BTBD9: variants seen among roughly 807,000 people sequenced by gnomAD.
BTBD9 encodes the protein BTB/POZ domain-containing protein 9.
A neutral mutation model predicts 64.3 loss-of-function variants in BTBD9; 49 were observed. The observed-to-expected ratio is 0.76, with a 90% confidence interval of 0.61 to 0.97. The LOEUF is 0.97. Ranked by LOEUF, BTBD9 falls within the 50% of genes least tolerant of loss-of-function variation. The pLI is 0.00. For synonymous variants in BTBD9, 260 were observed against 274.7 expected, an observed-to-expected ratio of 0.95 and a Z score of 0.53; for missense variants, 598 against 762.1, an observed-to-expected ratio of 0.78 and a Z score of 2.53.
chr6:38,234,159 G>A (rs1763701113), intron 9 of BTBD9, among the ~76,000 whole-genome samples: 1 of 152,212 alleles, frequency 6.6e-6, no homozygotes, highest in Admixed American at 6.5e-5. Context: ...CTGACCTTGT[G>A]CTTCAGCACC....
At chr6:38,440,665 A>G (rs1224061969) in intron 6 of BTBD9, among the ~76,000 whole-genome samples, 1 of 152,222 alleles carries the variant, frequency 6.6e-6, no homozygotes, top group Non-Finnish European at 1.5e-5. Flanking sequence ...TGTTTAGTGT[A>G]TATTATAGTA....
At chr6:38,264,739 G>A (rs1252662057) in intron 8 of BTBD9, among the ~76,000 whole-genome samples, 4 of 152,208 alleles carry the variant, frequency 2.6e-5, no homozygotes, top group African/African-American at 9.7e-5. Context: ...GCTGCTGGAG[G>A]ACGCTGAGTC....
chr6:38,454,920 A>G (rs1367611643), intron 6 of BTBD9, among the ~76,000 whole-genome samples: 1 of 152,194 alleles, frequency 6.6e-6, no homozygotes, highest in Non-Finnish European at 1.5e-5. Context: ...ATCAGCTTAA[A>G]GAAAGTCATT....
intron 6 of BTBD9, among the ~76,000 whole-genome samples, chr6:38,371,121 CA>C (rs1243798544): frequency 1.3e-5 from 2 of 151,988 alleles, no homozygotes; most frequent in Admixed American, 6.6e-5. Context: ...GAGTGGTCAG[CA>C]AAAAAACAAG....
At chr6:38,410,411 T>A (rs914178533) in intron 6 of BTBD9, among the ~76,000 whole-genome samples, 1 of 151,866 alleles carries the variant, frequency 6.6e-6, no homozygotes, top group East Asian at 1.9e-4. Context: ...AGGCTGGGGC[T>A]GCAGTGAGCC....
At chr6:38,366,165 T>C (rs1221933734) in intron 6 of BTBD9, among the ~76,000 whole-genome samples, 1 of 152,360 alleles carries the variant, frequency 6.6e-6, no homozygotes, top group East Asian at 1.9e-4. Context: ...TTTATCAAAA[T>C]GTAAAGAACT....
At position 38,463,993 on chromosome 6, in the gene BTBD9, C is replaced by T. The variant is rs536948567; in HGVS notation, c.1154+113607G>A. On this transcript the variant is annotated intron_variant, in intron 6 of 10. Transcript: ENST00000481247. Reference sequence around the variant, plus strand: ...GTTGCAGTGAGCTGAGATCCCACCACTGCACTCCAGCCTGGGGAACAAAGT... The same window carrying T: ...GTTGCAGTGAGCTGAGATCCCACCATTGCACTCCAGCCTGGGGAACAAAGT... 3.3e-5 allele frequency among the ~76,000 whole-genome samples: 5 copies of T among 152,248 alleles called. No homozygotes were observed. In the South Asian group the frequency reaches 1.0e-3, roughly 32 times the overall value.
At chr6:38,523,378 T>C (rs1773352274) in intron 6 of BTBD9, among the ~76,000 whole-genome samples, 2 of 152,134 alleles carry the variant, frequency 1.3e-5, no homozygotes, top group Admixed American at 6.5e-5. Flanking sequence ...AATTAAAATA[T>C]TGCTTGTACT....
At position 38,184,140 on chromosome 6, in the gene BTBD9, C is replaced by G. The variant is rs752203484; in HGVS notation, c.1641+8379G>C. ...TGTATGAGATGCTGTGTTTGCTTAC[C>G]CATCCTCTGTGGATGGACGCTCGTG... On this transcript the variant is annotated intron_variant, in intron 10 of 10. Coordinates refer to ENST00000481247, the MANE Select transcript of BTBD9 (RefSeq NM_001099272.2). This position sits in a 1 kb window ranked among gnomAD's most constrained non-coding sequence, Gnocchi z 4.4. Among the ~76,000 whole-genome samples the G allele has an allele frequency of 2.6e-5, 4 of 152,186 alleles. No homozygotes were observed. Among genetic ancestry groups the G allele is most frequent in the African/African-American group, 9.7e-5 (4 of 41,434 alleles).
intron 6 of BTBD9, among the ~76,000 whole-genome samples, chr6:38,534,607 T>A (rs2748164): frequency 0.57 from 86,442 of 151,784 alleles, 26,073 homozygotes; most frequent in African/African-American, 0.78. Context: ...CCTGATGAAC[T>A]TTGATACAAA....
chr6:38,307,890 G>C (rs1327946413), intron 7 of BTBD9, among the ~76,000 whole-genome samples: 1 of 152,154 alleles, frequency 6.6e-6, no homozygotes, highest in Non-Finnish European at 1.5e-5. Context: ...AGAGGAAGTG[G>C]CCTGCTTTCT....
At chr6:38,199,479 T>C (rs966701309) in intron 9 of BTBD9, among the ~76,000 whole-genome samples, 2 of 152,122 alleles carry the variant, frequency 1.3e-5, no homozygotes, top group African/African-American at 2.4e-5. Flanking sequence ...GGATATAGCA[T>C]ACAACAAAGT....
At chr6:38,591,566 A>G (rs1473845092) in intron 4 of BTBD9, among the ~76,000 whole-genome samples, 1 of 152,228 alleles carries the variant, frequency 6.6e-6, no homozygotes, top group Non-Finnish European at 1.5e-5. Flanking sequence ...GTGGTTAATT[A>G]CACAACTTCT....
At chr6:38,548,182 T>G (rs1254994665) in intron 6 of BTBD9, among the ~76,000 whole-genome samples, 2 of 152,208 alleles carry the variant, frequency 1.3e-5, no homozygotes, top group African/African-American at 4.8e-5. Context: ...TCAAAAACAT[T>G]TATATGTTAT....
chr6:38,400,590 A>G (rs1266983968), intron 6 of BTBD9, among the ~76,000 whole-genome samples: 1 of 152,042 alleles, frequency 6.6e-6, no homozygotes, highest in Non-Finnish European at 1.5e-5. Context: ...CTCTCTGACC[A>G]ATCCTTCTCA....
At chr6:38,592,518 A>G in intron 4 of BTBD9, 58 bp downstream of exon 4, 9 of 1,584,332 alleles carry the variant, frequency 5.7e-6, no homozygotes, top group Non-Finnish European at 3.4e-6. Flanking sequence ...TTGCGGTTTT[A>G]ATGGCATGAG....
intron 6 of BTBD9, among the ~76,000 whole-genome samples, chr6:38,501,551 C>A (rs1772201902): frequency 6.6e-6 from 1 of 152,144 alleles, no homozygotes; most frequent in Non-Finnish European, 1.5e-5. Flanking sequence ...GCAGTCCCTG[C>A]CAATTTACAT....
At position 38,412,573 on chromosome 6, in the gene BTBD9, G is replaced by C. The variant is rs1054085441; in HGVS notation, c.1155-67480C>G. On this transcript the variant is annotated intron_variant, in intron 6 of 10. Transcript: ENST00000481247. ...GGACTACATTAAAAAAAAAAAAAAA[G>C]TCTGACCAGGTGCGGTGGCTCACAC... is the stretch of plus-strand genomic sequence containing the variant. 2.7e-5 allele frequency among the ~76,000 whole-genome samples: 4 copies of C among 148,322 alleles called. No individual in the cohort carries two copies. The Admixed American group carries it at 2.7e-4, about 10-fold the overall frequency.
intron 6 of BTBD9, among the ~76,000 whole-genome samples, chr6:38,521,171 C>G (rs762516094): frequency 2.0e-5 from 3 of 152,024 alleles, no homozygotes; most frequent in Non-Finnish European, 4.4e-5. Flanking sequence ...GTCACACCAC[C>G]TCAGTTCAAA....
Sources: gnomAD v4.1 joint callset for allele counts (sites outside exome capture counted in the v4.1 genomes callset) on GRCh38, gnomAD v4.1.1 for gene constraint, Gnocchi (gnomAD v3.1) non-coding constraint, MANE v1.5 for transcripts, NCBI Gene and HGNC (gene_info 2026-07-23, HGNC 2026-07-21) for gene names.